Variants in CDX2 observed in about 807,000 individuals in gnomAD.
CDX2 encodes the protein homeobox protein CDX-2.
A neutral mutation model predicts 25.5 loss-of-function variants in CDX2; 7 were observed. That is an observed-to-expected ratio of 0.27 (90% confidence interval 0.16 to 0.52). The LOEUF is 0.52. Ranked by LOEUF, CDX2 falls within the 20% of genes least tolerant of loss-of-function variation. The probability of loss-of-function intolerance (pLI) is 0.97; values close to 1 mark genes in which losing one functional copy is unlikely to be tolerated. For synonymous variants in CDX2, 222 were observed against 198.6 expected (o/e 1.12, Z -0.99); for missense variants, 375 against 431.4 (o/e 0.87, Z 1.16).
chr13:27,968,095 G>A (rs1869425579), intron 1 of CDX2, among the ~76,000 whole-genome samples: 1 of 152,204 alleles, frequency 6.6e-6, no homozygotes, highest in Non-Finnish European at 1.5e-5. Context: ...CGGCGGCCAG[G>A]AGCCACGCAA....
At position 27,962,712 on chromosome 13, in the gene CDX2, A is replaced by G. The variant is rs1869112623; in HGVS notation, c.*403T>C. ...AGCAGGCAGCAGCCATCTTGGCCTC[A>G]AGCTTGCCTTTCCCTTGAGTCCCTC... On this transcript the variant is annotated 3_prime_UTR_variant, in exon 3 of 3. Coordinates refer to ENST00000381020, the MANE Select transcript of CDX2 (RefSeq NM_001265.6). 4.1e-6 allele frequency: 1 copy of G among 242,546 alleles called. No homozygotes were observed. Among genetic ancestry groups the G allele is most frequent in the Non-Finnish European group, 8.0e-6 (1 of 124,512 alleles). The allele number at this position is 242,546 out of a possible 1,614,324, so 15.0% of individuals were successfully genotyped here. A position where few individuals can be genotyped will look rare whatever the true frequency, so the allele number is the denominator to read the frequency against.
rs768546035 is a variant in CDX2, at chr13:27,963,065, C to A, written c.*50G>T. The stretch of plus-strand genomic sequence containing the variant: ...CCTGAGGAGTCTAGCAGAGTCCACG[C>A]TCCTCATGGCTCAGCCTGGAATTGC... On this transcript the variant is annotated 3_prime_UTR_variant, in exon 3 of 3. Transcript: ENST00000381020. 2.7e-5 allele frequency: 43 copies of A among 1,567,508 alleles called. No homozygotes were observed. In the East Asian group the frequency reaches 9.2e-4, roughly 34 times the overall value.
At chr13:27,963,788 A>G (rs1869184430) in intron 2 of CDX2, among the ~76,000 whole-genome samples, 1 of 152,180 alleles carries the variant, frequency 6.6e-6, no homozygotes, top group East Asian at 1.9e-4. Flanking sequence ...GCTGAAAATG[A>G]GATTTAATTT....
rs951166838 is a variant in CDX2 at position 27,968,578 on chromosome 13, G to A, written c.429C>T (p.Gly143=). The change falls in exon 1 of 3, where the codon GGC becomes GGT. Residue 143 remains glycine (G), a synonymous_variant. Transcript: ENST00000381020. ...CAGCGGTGGCGGCGGGCCCAGGAGG[G>A]CCGGGGTTGAGCGTTTGCAGCAGCC... ...ASGLLQTLNP[G]PPGPAATAAA... The A allele has an allele frequency of 2.5e-6, 4 of 1,572,542 alleles. No homozygotes were observed. Among genetic ancestry groups the A allele is most frequent in the Non-Finnish European group, 1.7e-6 (2 of 1,168,490 alleles).
Position 27,962,454 on chromosome 13 carries a change from G to C in CDX2, c.*661C>G, listed in dbSNP as rs890884325. 19 of 233,094 alleles carry C rather than the reference G, an allele frequency of 8.2e-5. No homozygotes were observed. Among genetic ancestry groups the C allele is most frequent in the African/African-American group, 4.2e-4 (19 of 45,284 alleles). The allele number at this position is 233,094 out of a possible 1,614,324, so 14.4% of individuals were successfully genotyped here. A position where few individuals can be genotyped will look rare whatever the true frequency, so the allele number is the denominator to read the frequency against. Reference sequence around the variant, plus strand: ...AGGCTCTCTAAACAAGTCCCTGTTCGGGCCCCCTGGTCAGGCCTGGAGTCC... The same window carrying C: ...AGGCTCTCTAAACAAGTCCCTGTTCCGGCCCCCTGGTCAGGCCTGGAGTCC... On this transcript the variant is annotated 3_prime_UTR_variant, in exon 3 of 3. Coordinates refer to ENST00000381020, the MANE Select transcript of CDX2 (RefSeq NM_001265.6).
Position 27,968,921 on chromosome 13 carries a change from T to C in CDX2, c.86A>G (p.Gln29Arg). 1 of 1,608,860 alleles carries C rather than the reference T, an allele frequency of 6.2e-7. No individual in the cohort carries two copies. Among genetic ancestry groups the C allele is most frequent in the Non-Finnish European group, 8.5e-7 (1 of 1,178,932 alleles). ...GTACTGCGGGGGGCTGACGAAGTTC[T>C]GCGGCGCCAGGTTGAGGCCGCCAGA... ...RHSGGLNLAP[Q>R]NFVSPPQYPD... The change falls in exon 1 of 3, where the codon CAG becomes CGG. Residue 29 changes from glutamine (Q) to arginine (R), a missense_variant. By Grantham distance (43) the Gln-to-Arg change is conservative. Coordinates refer to ENST00000381020, the MANE Select transcript of CDX2 (RefSeq NM_001265.6).
rs999922281 is a variant in CDX2, at chr13:27,961,003, G to T, written c.*2112C>A. On this transcript the variant is annotated 3_prime_UTR_variant, in exon 3 of 3. Coordinates refer to ENST00000381020, the MANE Select transcript of CDX2 (RefSeq NM_001265.6). ...GGCTAGGGGGCGGGCCTGTGGGCGC[G>T]GCCGGGGCGCGGGGAGACCTGCGGG... 2.0e-5 allele frequency among the ~76,000 whole-genome samples: 3 copies of T among 152,208 alleles called. No homozygotes were observed. The highest frequency in any genetic ancestry group is 7.2e-5 in the African/African-American group (3 of 41,458).
intron 2 of CDX2, among the ~76,000 whole-genome samples, chr13:27,963,895 T>G (rs1419494480): frequency 1.3e-5 from 2 of 152,238 alleles, no homozygotes; most frequent in Non-Finnish European, 2.9e-5. Flanking sequence ...TGTGAGAGAC[T>G]GAGTACTTTA....
intron 1 of CDX2, among the ~76,000 whole-genome samples, chr13:27,966,864 C>G (rs920410541): frequency 2.6e-5 from 4 of 152,142 alleles, no homozygotes; most frequent in Admixed American, 6.5e-5. Context: ...CCGCGTCCCC[C>G]CCTCCACCCC....
rs570781335 is a variant in CDX2, at chr13:27,963,111, T to C, written c.*4A>G. The C allele has an allele frequency of 2.2e-5, 36 of 1,607,576 alleles. No individual in the cohort carries two copies. The South Asian group carries it at 3.7e-4, about 17-fold the overall frequency. On this transcript the variant is annotated 3_prime_UTR_variant, in exon 3 of 3. Coordinates refer to ENST00000381020, the MANE Select transcript of CDX2 (RefSeq NM_001265.6). ...ATTGCTCTGCCGCTGCAGAACCCGG[T>C]GGGTCACTGGGTGACGGTGGGGTTT...
intron 1 of CDX2, among the ~76,000 whole-genome samples, chr13:27,966,063 G>A (rs1181960007): frequency 2.0e-5 from 3 of 152,236 alleles, no homozygotes; most frequent in African/African-American, 7.2e-5. Context: ...AGCGTCCTGG[G>A]AAGATACAGG....
chr13:27,962,962 C>G lies in CDX2; in HGVS notation c.*153G>C, dbSNP rs1335587900. The G allele has an allele frequency of 1.0e-6, 1 of 964,814 alleles. No homozygotes were observed. The highest frequency in any genetic ancestry group is 1.4e-6 in the Non-Finnish European group (1 of 699,870). 59.8% of individuals were successfully genotyped at this position (964,814 alleles called of 1,614,324 possible). A position where few individuals can be genotyped will look rare whatever the true frequency, so the allele number is the denominator to read the frequency against. ...TCTTGAGGCCCCAAATCCCACTTGT[C>G]TTACTCCTGGCTCCCATTTTTCCTC... On this transcript the variant is annotated 3_prime_UTR_variant, in exon 3 of 3. Transcript: ENST00000381020.
At chr13:27,963,819 G>A (rs1428958095) in intron 2 of CDX2, among the ~76,000 whole-genome samples, 2 of 152,180 alleles carry the variant, frequency 1.3e-5, no homozygotes, top group Non-Finnish European at 1.5e-5. Flanking sequence ...TGGCTGTGAA[G>A]TTGGCCTGTT....
rs1705045133 is a variant in CDX2, at chr13:27,963,003, T to C, written c.*112A>G. 2.3e-6 allele frequency: 3 copies of C among 1,322,746 alleles called. No individual in the cohort carries two copies. The South Asian group carries it at 6.8e-5, about 30-fold the overall frequency. The allele number at this position is 1,322,746 out of a possible 1,614,324, so 81.9% of individuals were successfully genotyped here. ...ATTTTTCCTCTGAGAGCCAGGTCTG[T>C]AGGTCTATGGCTGTGGGTGGGAGGG... On this transcript the variant is annotated 3_prime_UTR_variant, in exon 3 of 3. Coordinates refer to ENST00000381020, the MANE Select transcript of CDX2 (RefSeq NM_001265.6).
intron 2 of CDX2, 60 bp from the exon 3 acceptor site, chr13:27,963,429 C>T: frequency 7.7e-7 from 1 of 1,296,696 alleles, no homozygotes; most frequent in Non-Finnish European, 1.1e-6. Context: ...AAAAGAGGAA[C>T]AGTACCCAGC....
At chr13:27,965,114 C>A in intron 1 of CDX2, 99 bp from the exon 2 acceptor site, 1 of 1,338,390 alleles carries the variant, frequency 7.5e-7, no homozygotes. Context: ...TCTCTTCCTC[C>A]ACCACCCTGG....
Position 27,968,283 on chromosome 13 carries a change from G to C in CDX2, c.541+183C>G, listed in dbSNP as rs981091787. 2.0e-5 allele frequency among the ~76,000 whole-genome samples: 3 copies of C among 152,240 alleles called. No individual in the cohort carries two copies. In the South Asian group the frequency reaches 6.2e-4, roughly 32 times the overall value. ...AGAATATTCACTCCCAGGCTCAGTA[G>C]GTCAGAGAAGCCCCGACGGGCCAGA... On this transcript the variant is annotated intron_variant, in intron 1 of 2. Coordinates refer to ENST00000381020, the MANE Select transcript of CDX2 (RefSeq NM_001265.6).
In CDX2 at chr13:27,964,919, A is replaced by G; in HGVS notation, c.638T>C (p.Ile213Thr). Residue 213 changes from isoleucine (I) to threonine (T), a missense_variant, in exon 2 of 3, where the codon ATC (isoleucine) becomes ACC (threonine). Around this residue, in one of 3 missense-constraint regions of CDX2, gnomAD observed 64 missense variants for 124.6 expected, o/e 0.51. Coordinates refer to ENST00000381020, the MANE Select transcript of CDX2 (RefSeq NM_001265.6). The surrounding 1 kb of genome is among the most constrained non-coding windows in gnomAD (Gnocchi z 4.7). ...KEFHYSRYIT[I>T]RRKAELAATL... Reference sequence around the variant, plus strand: ...GGCGGCTAGCTCGGCTTTCCTCCGGATGGTGATGTAGCGACTGTAGTGAAA... The same window carrying G: ...GGCGGCTAGCTCGGCTTTCCTCCGGGTGGTGATGTAGCGACTGTAGTGAAA... The G allele has an allele frequency of 1.2e-6, 2 of 1,614,002 alleles. No homozygotes were observed. The highest frequency in any genetic ancestry group is 1.7e-6 in the Non-Finnish European group (2 of 1,179,976).
Position 27,963,463 on chromosome 13 carries a change from C to T in CDX2, c.688-94G>A, listed in dbSNP as rs1869170281. The T allele has an allele frequency of 5.7e-6, 6 of 1,049,966 alleles. No individual in the cohort carries two copies. The East Asian group carries it at 1.0e-4, about 18-fold the overall frequency. The allele number at this position is 1,049,966 out of a possible 1,614,324, so 65.0% of individuals were successfully genotyped here. A position where few individuals can be genotyped will look rare whatever the true frequency, so the allele number is the denominator to read the frequency against. Reference sequence around the variant, plus strand: ...GCAGTATCATCAACATCTTCTGCTCCAGCTACAGAACTCCAAGTCCTTCTA... The same window carrying T: ...GCAGTATCATCAACATCTTCTGCTCTAGCTACAGAACTCCAAGTCCTTCTA... On this transcript the variant is annotated intron_variant, in intron 2 of 2. Coordinates refer to ENST00000381020, the MANE Select transcript of CDX2 (RefSeq NM_001265.6).
Sources: allele counts gnomAD v4.1 joint callset (sites outside exome capture counted in the v4.1 genomes callset), GRCh38; gene constraint gnomAD v4.1.1; regional missense constraint gnomAD v4.1.1; non-coding constraint Gnocchi (gnomAD v3.1); transcripts MANE v1.5; gene names NCBI Gene and HGNC (gene_info 2026-07-23, HGNC 2026-07-21).